Variants in MTHFS observed in about 807,000 individuals in gnomAD.
The protein encoded by MTHFS is methenyltetrahydrofolate synthetase.
In MTHFS, 7 loss-of-function variants were observed where a neutral mutation model predicts 12.7. The ratio of observed to expected loss-of-function variants is 0.55; its 90% CI spans 0.31 to 1.03. MTHFS has a LOEUF of 1.03. Ranked by LOEUF, MTHFS falls within the 50% of genes least tolerant of loss-of-function variation. MTHFS has a pLI of 0.05. For synonymous variants in MTHFS, 100 were observed against 97.1 expected, an observed-to-expected ratio of 1.03 and a Z score of -0.18; for missense variants, 252 against 258.1, an observed-to-expected ratio of 0.98 and a Z score of 0.16.
intron 2 of MTHFS, among the ~76,000 whole-genome samples, chr15:79,874,015 A>C (rs1427023485): frequency 1.3e-5 from 2 of 152,222 alleles, no homozygotes; most frequent in African/African-American, 4.8e-5. Context: ...ACAGCCAAGG[A>C]CAACTAGAGA....
chr15:79,895,552 G>A (rs934915115), intron 1 of MTHFS, among the ~76,000 whole-genome samples: 1 of 152,130 alleles, frequency 6.6e-6, no homozygotes, highest in Admixed American at 6.5e-5. Context: ...GAATGAATTA[G>A]CTAAATTTTA....
intron 2 of MTHFS, among the ~76,000 whole-genome samples, chr15:79,880,035 C>T (rs543449048): frequency 2.1e-4 from 32 of 152,082 alleles, no homozygotes; most frequent in Non-Finnish European, 4.0e-4. Context: ...TTGCTGCCTA[C>T]TTCATCCAAC....
chr15:79,861,575 T>C (rs1052805818), intron 2 of MTHFS, among the ~76,000 whole-genome samples: 1 of 152,232 alleles, frequency 6.6e-6, no homozygotes, highest in African/African-American at 2.4e-5. Context: ...TTCATAGCCA[T>C]TTCATGGATA....
intron 2 of MTHFS, among the ~76,000 whole-genome samples, chr15:79,849,241 T>C (rs752572643): frequency 6.6e-6 from 1 of 152,216 alleles, no homozygotes; most frequent in Non-Finnish European, 1.5e-5. Flanking sequence ...GTCCTTAAGA[T>C]ATACTTCCTA....
intron 1 of MTHFS, among the ~76,000 whole-genome samples, chr15:79,894,877 T>C (rs2865828): frequency 0.028 from 4,312 of 152,260 alleles, 244 homozygotes; most frequent in African/African-American, 0.099. Context: ...TCACTGCCCA[T>C]GCTCTGGTTT....
chr15:79,852,133 T>C (rs914575108), intron 2 of MTHFS, among the ~76,000 whole-genome samples: 2 of 152,182 alleles, frequency 1.3e-5, no homozygotes, highest in Non-Finnish European at 2.9e-5. Context: ...ATGAAGAAGC[T>C]GAAATCCTAA....
At chr15:79,849,732 A>C (rs780354029) in intron 2 of MTHFS, among the ~76,000 whole-genome samples, 1 of 152,258 alleles carries the variant, frequency 6.6e-6, no homozygotes, top group African/African-American at 2.4e-5. Flanking sequence ...TCCTGTGTGC[A>C]CTTGCTTCAC....
At chr15:79,891,823 C>G (rs953047753) in intron 1 of MTHFS, among the ~76,000 whole-genome samples, 1 of 151,856 alleles carries the variant, frequency 6.6e-6, no homozygotes, top group African/African-American at 2.4e-5. Flanking sequence ...CAACAATTAG[C>G]CAGGCGTGGT....
chr15:79,861,922 G>A (rs1274902852), intron 2 of MTHFS, among the ~76,000 whole-genome samples: 1 of 152,134 alleles, frequency 6.6e-6, no homozygotes, highest in African/African-American at 2.4e-5. Flanking sequence ...TGTTAACAGT[G>A]GTCACATCTG....
chr15:79,879,588 T>C (rs1024648822), intron 2 of MTHFS, among the ~76,000 whole-genome samples: 11 of 152,340 alleles, frequency 7.2e-5, no homozygotes, highest in Middle Eastern at 6.8e-3. Flanking sequence ...TTTGTATGTT[T>C]ATATGTTTGT....
At chr15:79,856,991 A>G (rs1376075130) in intron 2 of MTHFS, among the ~76,000 whole-genome samples, 1 of 145,552 alleles carries the variant, frequency 6.9e-6, no homozygotes, top group Non-Finnish European at 1.5e-5. Flanking sequence ...TGAGCTCGCA[A>G]AGTCACTTTT....
At chr15:79,876,428 T>G (rs967594330) in intron 2 of MTHFS, 1 of 151,438 alleles carries the variant, frequency 6.6e-6, no homozygotes, top group Non-Finnish European at 1.5e-5. Flanking sequence ...CTGGCTAACA[T>G]GGTGAAACCC....
At chr15:79,847,065 C>A (rs2033631183) in intron 2 of MTHFS, among the ~76,000 whole-genome samples, 1 of 152,194 alleles carries the variant, frequency 6.6e-6, no homozygotes, top group Non-Finnish European at 1.5e-5. Context: ...GGGACAAATA[C>A]TAGAGACCCC....
intron 1 of MTHFS, 152 bp from the exon 2 acceptor site, chr15:79,889,506 G>A: frequency 8.0e-7 from 1 of 1,245,110 alleles, no homozygotes; most frequent in South Asian, 1.6e-5. Flanking sequence ...TAGTGGGTCA[G>A]ACAGTGTTGC....
At chr15:79,856,030 C>G (rs1265224726) in intron 2 of MTHFS, among the ~76,000 whole-genome samples, 2 of 152,126 alleles carry the variant, frequency 1.3e-5, no homozygotes, top group African/African-American at 4.8e-5. Context: ...TGAGTATAGA[C>G]TCAATACTGG....
At chr15:79,851,845 C>A (rs1005112595) in intron 2 of MTHFS, among the ~76,000 whole-genome samples, 2 of 152,106 alleles carry the variant, frequency 1.3e-5, no homozygotes, top group East Asian at 3.9e-4. Flanking sequence ...CACAACAAGG[C>A]CAAGCATCTT....
chr15:79,861,848 G>A (rs1023331430), intron 2 of MTHFS, among the ~76,000 whole-genome samples: 3 of 152,122 alleles, frequency 2.0e-5, no homozygotes, highest in South Asian at 2.1e-4. Context: ...TGTGAACTCC[G>A]ATCCTATCTG....
At position 79,844,911 on chromosome 15, in the gene MTHFS, C is replaced by A; in HGVS notation, c.*299G>T. 2.6e-6 allele frequency: 1 copy of A among 385,578 alleles called. No homozygotes were observed. 23.9% of individuals were successfully genotyped at this position (385,578 alleles called of 1,614,324 possible). A position where few individuals can be genotyped will look rare whatever the true frequency, so the allele number is the denominator to read the frequency against. On this transcript the variant is annotated 3_prime_UTR_variant, in exon 3 of 3. Coordinates refer to ENST00000258874, the MANE Select transcript of MTHFS (RefSeq NM_006441.4). ...TCTCGCACTCAGTCGGAGCACAGTT[C>A]CTCATAAATATTTAACTTAAATTGC...
chr15:79,890,873 G>A (rs1001255927), intron 1 of MTHFS, among the ~76,000 whole-genome samples: 52 of 152,176 alleles, frequency 3.4e-4, no homozygotes, highest in Non-Finnish European at 1.2e-4. Flanking sequence ...CAGGCCTGGG[G>A]CTTTTGGCAT....
Sources: gnomAD v4.1 joint callset for allele counts (sites outside exome capture counted in the v4.1 genomes callset) on GRCh38, gnomAD v4.1.1 for gene constraint, MANE v1.5 for transcripts, NCBI Gene and HGNC (gene_info 2026-07-23, HGNC 2026-07-21) for gene names.